The following TBC1D5 variants were observed in gnomAD, a reference collection of about 807,000 sequenced individuals.
The protein encoded by TBC1D5 is TBC1 domain family member 5.
In TBC1D5, 75 loss-of-function variants were observed where a neutral mutation model predicts 100.3. The ratio of observed to expected loss-of-function variants is 0.75; its 90% CI spans 0.62 to 0.91. TBC1D5 has a LOEUF of 0.91. Among genes scored for constraint, TBC1D5 ranks in the 40% least tolerant of loss-of-function variants. The probability of loss-of-function intolerance (pLI) is 0.00; values close to 1 mark genes in which losing one functional copy is unlikely to be tolerated. For missense variants in TBC1D5, 910 were observed against 942.4 expected, an observed-to-expected ratio of 0.97 and a Z score of 0.45; for synonymous variants, 323 against 325.6, an observed-to-expected ratio of 0.99 and a Z score of 0.09.
chr3:17,674,216 ATTTCT>A (rs2068336018), intron 1 of TBC1D5, among the ~76,000 whole-genome samples: 1 of 152,154 alleles, frequency 6.6e-6, no homozygotes, highest in African/African-American at 2.4e-5. Flanking sequence ...CTGCAGCCAA[ATTTCT>A]TTTAAGTCCA....
intron 19 of TBC1D5, among the ~76,000 whole-genome samples, chr3:17,177,040 A>G (rs1319453175): frequency 6.6e-6 from 1 of 152,248 alleles, no homozygotes; most frequent in Non-Finnish European, 1.5e-5. Flanking sequence ...AAAGAGACAG[A>G]GAAACCAAAA....
intron 2 of TBC1D5, among the ~76,000 whole-genome samples, chr3:17,588,810 GTAAA>G (rs980404667): frequency 6.6e-6 from 1 of 152,130 alleles, no homozygotes; most frequent in African/African-American, 2.4e-5. Flanking sequence ...CAGACTAGCA[GTAAA>G]TAAAGGCCCA....
At chr3:17,356,780 A>C (rs745714265) in intron 13 of TBC1D5, among the ~76,000 whole-genome samples, 2 of 152,120 alleles carry the variant, frequency 1.3e-5, no homozygotes, top group Non-Finnish European at 2.9e-5. Context: ...GTAGCTATGG[A>C]AACACACCCT....
intron 15 of TBC1D5, among the ~76,000 whole-genome samples, chr3:17,260,245 T>TA (rs1341042972): frequency 6.6e-6 from 1 of 152,082 alleles, no homozygotes; most frequent in Admixed American, 6.5e-5. Context: ...TTTCTGCTAA[T>TA]AAAAAAAGAC....
intron 19 of TBC1D5, among the ~76,000 whole-genome samples, chr3:17,180,824 A>G (rs901992948): frequency 6.7e-6 from 1 of 149,736 alleles, no homozygotes; most frequent in Non-Finnish European, 1.5e-5. Context: ...AATGTACACT[A>G]TTTGGGTGAT....
At chr3:17,580,361 A>G (rs2096685881) in intron 2 of TBC1D5, among the ~76,000 whole-genome samples, 2 of 152,140 alleles carry the variant, frequency 1.3e-5, no homozygotes, top group Non-Finnish European at 1.5e-5. Flanking sequence ...AAAAACCACA[A>G]AGGAGAACTA....
chr3:17,704,985 G>T (rs1383840296), intron 1 of TBC1D5, among the ~76,000 whole-genome samples: 1 of 121,092 alleles, frequency 8.3e-6, no homozygotes, highest in East Asian at 2.7e-4. Context: ...AGACGGGGCG[G>T]CTGGCCGGGC....
chr3:17,465,844 T>C (rs2095291882), intron 3 of TBC1D5, among the ~76,000 whole-genome samples: 1 of 152,220 alleles, frequency 6.6e-6, no homozygotes, highest in African/African-American at 2.4e-5. Context: ...ATTCAAAATT[T>C]TTTGGCAGCT....
intron 19 of TBC1D5, among the ~76,000 whole-genome samples, chr3:17,171,798 A>G (rs1306335944): frequency 6.6e-6 from 1 of 152,194 alleles, no homozygotes; most frequent in African/African-American, 2.4e-5. Context: ...GACCTAGTAC[A>G]GCAGCCAGAC....
At chr3:17,562,286 A>G (rs1179944624) in intron 2 of TBC1D5, 1 of 152,132 alleles carries the variant, frequency 6.6e-6, no homozygotes, top group Admixed American at 6.5e-5. Flanking sequence ...GGATTTTGAC[A>G]TTTAAAAACA....
At chr3:17,254,759 G>A (rs1434082667) in intron 16 of TBC1D5, among the ~76,000 whole-genome samples, 1 of 77,432 alleles carries the variant, frequency 1.3e-5, no homozygotes, top group Non-Finnish European at 2.4e-5. Context: ...CTTTACCGTG[G>A]CGGGGGTGGG....
intron 2 of TBC1D5, among the ~76,000 whole-genome samples, chr3:17,561,751 A>C (rs1207529071): frequency 6.6e-6 from 1 of 152,204 alleles, no homozygotes; most frequent in Non-Finnish European, 1.5e-5. Flanking sequence ...ATTTCCAAAA[A>C]GAAAGAAACT....
chr3:17,271,187 A>G (rs930089726), intron 15 of TBC1D5, among the ~76,000 whole-genome samples: 10 of 152,132 alleles, frequency 6.6e-5, no homozygotes, highest in African/African-American at 2.4e-4. Context: ...GCAGTTTTGA[A>G]TCTGTAGATT....
rs1027878543 is a variant in TBC1D5, at chr3:17,180,399, A to G, written c.1852+4710T>C. On this transcript the variant is annotated intron_variant, in intron 19 of 21. Transcript: ENST00000253692. ...ATTTTTAACTGAAAGGATTTTCTCTACATTTGTTCTGCTATCAGTTATAAA... is the reference window on the plus strand; with the variant it reads ...ATTTTTAACTGAAAGGATTTTCTCTGCATTTGTTCTGCTATCAGTTATAAA... 5.9e-5 allele frequency among the ~76,000 whole-genome samples: 9 copies of G among 152,362 alleles called. No individual in the cohort carries two copies. The South Asian group carries it at 6.2e-4, about 11-fold the overall frequency.
intron 2 of TBC1D5, among the ~76,000 whole-genome samples, chr3:17,512,134 A>C (rs940441430): frequency 7.2e-5 from 11 of 152,056 alleles, no homozygotes; most frequent in Non-Finnish European, 1.6e-4. Flanking sequence ...GTTGTTTTTA[A>C]ATATGAAATC....
intron 2 of TBC1D5, among the ~76,000 whole-genome samples, chr3:17,522,253 T>C (rs757970003): frequency 1.3e-5 from 2 of 152,116 alleles, no homozygotes; most frequent in African/African-American, 2.4e-5. Flanking sequence ...TAAAAGAGAT[T>C]TGTACACATG....
chr3:17,177,785 T>G (rs1013159941), intron 19 of TBC1D5, among the ~76,000 whole-genome samples: 4 of 152,200 alleles, frequency 2.6e-5, no homozygotes, highest in Admixed American at 2.6e-4. Context: ...GGTGTATATA[T>G]TTTTGGGTTA....
intron 2 of TBC1D5, among the ~76,000 whole-genome samples, chr3:17,584,464 G>T (rs57352109): frequency 0.052 from 7,928 of 152,090 alleles, 630 homozygotes; most frequent in African/African-American, 0.18. Flanking sequence ...ATTTAACTTC[G>T]GAAGGCTCTT....
chr3:17,204,036 T>C (rs995263388), intron 18 of TBC1D5, among the ~76,000 whole-genome samples: 4 of 152,220 alleles, frequency 2.6e-5, no homozygotes, highest in South Asian at 2.1e-4. Flanking sequence ...AGAATTTCTA[T>C]GACAGAACTA....
Sources: gnomAD v4.1 joint callset for allele counts (sites outside exome capture counted in the v4.1 genomes callset) on GRCh38, gnomAD v4.1.1 for gene constraint, MANE v1.5 for transcripts, NCBI Gene and HGNC (gene_info 2026-07-23, HGNC 2026-07-21) for gene names.